KIAA0930: variants seen among roughly 807,000 people sequenced by gnomAD.
The protein encoded by KIAA0930 is uncharacterized protein KIAA0930.
KIAA0930 carries 24 observed loss-of-function variants against 43.9 expected under a neutral mutation model. That is an observed-to-expected ratio of 0.55 (90% CI 0.40 to 0.77). KIAA0930 has a LOEUF of 0.77. Ranked by LOEUF, KIAA0930 falls within the 30% of genes least tolerant of loss-of-function variation. The pLI is 0.00. For synonymous variants in KIAA0930, 259 were observed against 216.4 expected (o/e 1.20, Z -1.73); for missense variants, 461 against 574.2 (o/e 0.80, Z 2.02).
chr22:45,230,777 T>C (rs1366544072), intron 1 of KIAA0930, among the ~76,000 whole-genome samples: 1 of 151,720 alleles, frequency 6.6e-6, no homozygotes, highest in African/African-American at 2.4e-5. Flanking sequence ...AGACGGGGTT[T>C]CACAATGTTG....
intron 1 of KIAA0930, among the ~76,000 whole-genome samples, chr22:45,219,315 T>A (rs535665962): frequency 6.6e-6 from 1 of 152,310 alleles, no homozygotes; most frequent in East Asian, 1.9e-4. Flanking sequence ...CAACTGCCAC[T>A]GTGGTTACTA....
intron 1 of KIAA0930, among the ~76,000 whole-genome samples, chr22:45,215,543 A>G (rs796204041): frequency 4.6e-5 from 7 of 152,240 alleles, no homozygotes; most frequent in Admixed American, 4.6e-4. Context: ...GAAAGGACAC[A>G]ATATCCTGCC....
intron 1 of KIAA0930, chr22:45,212,465 G>A (rs755852494): frequency 1.0e-5 from 15 of 1,453,346 alleles, no homozygotes; most frequent in African/African-American, 2.8e-5. Flanking sequence ...GCTGGAAGCC[G>A]GGAAGGCTTG....
At chr22:45,219,898 GA>G (rs1569080405) in intron 1 of KIAA0930, among the ~76,000 whole-genome samples, 1 of 152,042 alleles carries the variant, frequency 6.6e-6, no homozygotes, top group Non-Finnish European at 1.5e-5. Flanking sequence ...CCCAAGAAGT[GA>G]TTTTGGGAAG....
intron 1 of KIAA0930, among the ~76,000 whole-genome samples, chr22:45,232,782 G>C (rs1358099603): frequency 6.6e-6 from 1 of 152,126 alleles, no homozygotes; most frequent in African/African-American, 2.4e-5. Context: ...GGTGGGGACC[G>C]GCTCCAGGGG....
intron 1 of KIAA0930, among the ~76,000 whole-genome samples, chr22:45,218,179 CAG>C (rs34831912): frequency 0.1 from 15,752 of 151,954 alleles, 921 homozygotes; most frequent in East Asian, 0.21. Context: ...ATTTTTGAGA[CAG>C]AGTTTTGTTC....
At chr22:45,228,379 A>G (rs1285922665) in intron 1 of KIAA0930, among the ~76,000 whole-genome samples, 1 of 152,042 alleles carries the variant, frequency 6.6e-6, no homozygotes, top group Non-Finnish European at 1.5e-5. Context: ...CTTCTCCCTA[A>G]TTCATAAAAG....
chr22:45,233,091 G>A (rs1371501721), intron 1 of KIAA0930, among the ~76,000 whole-genome samples: 4 of 152,074 alleles, frequency 2.6e-5, no homozygotes, highest in Non-Finnish European at 4.4e-5. Context: ...CTGCTTCTGA[G>A]CCTCAGTGGC....
At chr22:45,199,755 ACTCT>A in intron 8 of KIAA0930, 114 bp downstream of exon 8, 1 of 1,091,526 alleles carries the variant, frequency 9.2e-7, no homozygotes, top group Non-Finnish European at 1.3e-6. Flanking sequence ...CATGGCACCC[ACTCT>A]CTAAGTGCTG....
intron 1 of KIAA0930, among the ~76,000 whole-genome samples, chr22:45,215,036 G>T (rs1194636604): frequency 6.6e-6 from 1 of 152,136 alleles, no homozygotes; most frequent in Admixed American, 6.5e-5. Context: ...TGAGCAACAT[G>T]GTGAAACCCC....
At chr22:45,226,772 ACACT>A (rs1416919337) in intron 1 of KIAA0930, 2 of 158,406 alleles carry the variant, frequency 1.3e-5, no homozygotes, top group Non-Finnish European at 2.8e-5. Flanking sequence ...GCTTCTCCTG[ACACT>A]CACGCAAAGG....
intron 7 of KIAA0930, among the ~76,000 whole-genome samples, chr22:45,201,745 T>A (rs1377429926): frequency 6.6e-6 from 1 of 150,776 alleles, no homozygotes; most frequent in Admixed American, 6.6e-5. Flanking sequence ...AGAAGATACC[T>A]CCCCCCCAAA....
At chr22:45,213,324 C>T in intron 1 of KIAA0930, 1 of 1,303,662 alleles carries the variant, frequency 7.7e-7, no homozygotes, top group Non-Finnish European at 1.0e-6. Context: ...TGCTCACCCA[C>T]TCCCATGCCC....
chr22:45,238,909 A>G (rs1220562797), intron 1 of KIAA0930, among the ~76,000 whole-genome samples: 5 of 149,288 alleles, frequency 3.3e-5, no homozygotes, highest in South Asian at 2.1e-4. Context: ...TCTCACCCTC[A>G]GGCTCTTCAT....
At chr22:45,213,977 C>T (rs2083715900) in intron 1 of KIAA0930, among the ~76,000 whole-genome samples, 1 of 152,034 alleles carries the variant, frequency 6.6e-6, no homozygotes, top group Non-Finnish European at 1.5e-5. Flanking sequence ...CACCATTGCA[C>T]TCCAGCCTGG....
At chr22:45,199,095 G>A (rs779034542) in intron 8 of KIAA0930, among the ~76,000 whole-genome samples, 44 of 152,288 alleles carry the variant, frequency 2.9e-4, no homozygotes, top group Non-Finnish European at 5.3e-4. Context: ...TGACGGCCAC[G>A]CCTGTCCCCA....
At chr22:45,233,251 G>A (rs1395935075) in intron 1 of KIAA0930, among the ~76,000 whole-genome samples, 6 of 152,162 alleles carry the variant, frequency 3.9e-5, no homozygotes. Context: ...CCAGGTCGGG[G>A]GAAGGAATGG....
At chr22:45,224,985 A>T (rs2083789902) in intron 1 of KIAA0930, among the ~76,000 whole-genome samples, 1 of 151,906 alleles carries the variant, frequency 6.6e-6, no homozygotes, top group South Asian at 2.1e-4. Context: ...CTGTCCCGGG[A>T]CTGTCTGGGT....
At chr22:45,234,536 C>A (rs1296034506) in intron 1 of KIAA0930, among the ~76,000 whole-genome samples, 1 of 152,222 alleles carries the variant, frequency 6.6e-6, no homozygotes, top group Admixed American at 6.5e-5. Flanking sequence ...CTCCTTCAGC[C>A]CCGTGAACAC....
Sources: allele counts gnomAD v4.1 joint callset (sites outside exome capture counted in the v4.1 genomes callset), GRCh38; gene constraint gnomAD v4.1.1; transcripts MANE v1.5; gene names NCBI Gene and HGNC (gene_info 2026-07-23, HGNC 2026-07-21).